Variants in POPDC1 observed in about 807,000 individuals in gnomAD.
POPDC1 encodes the protein popeye domain cAMP effector 1, also known as popeye domain-containing protein 1.
At chr6:105,116,788 A>C in the POPDC1 span, 1 of 1,612,882 alleles carries the variant, frequency 6.2e-7, no homozygotes, top group Non-Finnish European at 8.5e-7. Context: ...CATACAAGAA[A>C]GGTTCTGATT....
the POPDC1 span, among the ~76,000 whole-genome samples, chr6:105,111,914 T>C: frequency 6.6e-6 from 1 of 152,322 alleles, no homozygotes; most frequent in East Asian, 1.9e-4. Context: ...TTTAAAGTAG[T>C]GCCTTTACCA....
chr6:105,126,770 T>A, the POPDC1 span, among the ~76,000 whole-genome samples: 1 of 152,266 alleles, frequency 6.6e-6, no homozygotes, highest in Admixed American at 6.5e-5. Context: ...AATGCACCAA[T>A]ATAGAAAAAC....
At chr6:105,129,575 T>C in the POPDC1 span, 1 of 1,465,338 alleles carries the variant, frequency 6.8e-7, no homozygotes, top group Non-Finnish European at 9.3e-7. Context: ...AAATTTGATA[T>C]CCTCTATATA....
the POPDC1 span, among the ~76,000 whole-genome samples, chr6:105,113,686 C>T: frequency 1.3e-5 from 2 of 152,078 alleles, no homozygotes; most frequent in African/African-American, 4.8e-5. Flanking sequence ...TAGTTAATAC[C>T]TTCAAAAAGT....
the POPDC1 span, among the ~76,000 whole-genome samples, chr6:105,110,884 C>T: frequency 9.2e-5 from 14 of 152,246 alleles, no homozygotes; most frequent in South Asian, 2.7e-3. Context: ...GGGGGTCTCG[C>T]TATGTTGCCC....
the POPDC1 span, among the ~76,000 whole-genome samples, chr6:105,114,555 A>T: frequency 6.6e-6 from 1 of 152,246 alleles, no homozygotes; most frequent in East Asian, 1.9e-4. Flanking sequence ...TTGGTTTAAA[A>T]TACAATTGGA....
chr6:105,115,828 C>T, the POPDC1 span: 1 of 1,612,742 alleles, frequency 6.2e-7, no homozygotes. Context: ...TTTTGGCTTT[C>T]TACAAAGCAA....
the POPDC1 span, chr6:105,115,859 T>C: frequency 3.5e-5 from 57 of 1,609,304 alleles, no homozygotes; most frequent in Non-Finnish European, 4.6e-5. Flanking sequence ...TTTCTGAGAA[T>C]TATGGGAGTT....
At chr6:105,123,486 C>T in the POPDC1 span, among the ~76,000 whole-genome samples, 7 of 152,148 alleles carry the variant, frequency 4.6e-5, no homozygotes, top group East Asian at 1.9e-4. Flanking sequence ...CTGCAAGCTC[C>T]GCCTCCCAGG....
the POPDC1 span, among the ~76,000 whole-genome samples, chr6:105,121,897 C>G: frequency 6.6e-6 from 1 of 152,122 alleles, no homozygotes; most frequent in Non-Finnish European, 1.5e-5. Context: ...AGATCCTCAT[C>G]GAACATGTTT....
At chr6:105,123,612 G>A in the POPDC1 span, among the ~76,000 whole-genome samples, 3 of 152,116 alleles carry the variant, frequency 2.0e-5, no homozygotes, top group Non-Finnish European at 4.4e-5. Context: ...ATGTTAACCA[G>A]GATGGTCTCG....
At chr6:105,125,764 C>T in the POPDC1 span, among the ~76,000 whole-genome samples, 176 of 152,270 alleles carry the variant, frequency 1.2e-3, 5 homozygotes, top group East Asian at 0.03. Context: ...ACTTCAGATG[C>T]TAAAAGGGTA....
chr6:105,118,244 A>G, the POPDC1 span, among the ~76,000 whole-genome samples: 1 of 152,196 alleles, frequency 6.6e-6, no homozygotes, highest in East Asian at 1.9e-4. Context: ...TACATCTACC[A>G]AGACAGAAAA....
chr6:105,098,201 C>T, the POPDC1 span: 2 of 152,136 alleles, frequency 1.3e-5, no homozygotes, highest in African/African-American at 4.8e-5. Context: ...ATGCATTATA[C>T]AAAGATACAC....
At chr6:105,104,611 G>A in the POPDC1 span, among the ~76,000 whole-genome samples, 11 of 152,090 alleles carry the variant, frequency 7.2e-5, no homozygotes, top group African/African-American at 2.7e-4. Context: ...AGGCCTCAGG[G>A]TCCAGTAAAC....
the POPDC1 span, chr6:105,101,238 A>G: frequency 3.1e-6 from 5 of 1,588,386 alleles, no homozygotes; most frequent in East Asian, 9.1e-5. Context: ...AGGAGGGAAA[A>G]CCACTGAATG....
the POPDC1 span, among the ~76,000 whole-genome samples, chr6:105,110,040 G>A: frequency 6.6e-6 from 1 of 152,112 alleles, no homozygotes; most frequent in Non-Finnish European, 1.5e-5. Flanking sequence ...GTAAGAAAAT[G>A]CTGTGTGAGG....
At chr6:105,128,008 C>G in the POPDC1 span, among the ~76,000 whole-genome samples, 1 of 152,270 alleles carries the variant, frequency 6.6e-6, no homozygotes, top group Non-Finnish European at 1.5e-5. Flanking sequence ...GACCCACCCG[C>G]CTCGGCTTCC....
At chr6:105,112,527 T>A in the POPDC1 span, among the ~76,000 whole-genome samples, 2 of 152,210 alleles carry the variant, frequency 1.3e-5, no homozygotes, top group African/African-American at 2.4e-5. Flanking sequence ...GAGATTATCA[T>A]TGGATAATTT....
Sources: allele counts gnomAD v4.1 joint callset (sites outside exome capture counted in the v4.1 genomes callset), GRCh38; gene constraint gnomAD v4.1.1; transcripts MANE v1.5; gene names NCBI Gene and HGNC (gene_info 2026-07-23, HGNC 2026-07-21).